The following FST variants were observed in gnomAD, a reference collection of about 807,000 sequenced individuals.
The protein encoded by FST is activin-binding protein.
Under a neutral mutation model 38.4 loss-of-function variants are expected in FST, and 6 were observed. The observed-to-expected ratio is 0.16, with a 90% confidence interval of 0.09 to 0.31. The LOEUF is 0.31. Among genes scored for constraint, FST ranks in the 10% least tolerant of loss-of-function variants. FST has a pLI of 1.00. For synonymous variants in FST, 157 were observed against 169.8 expected (o/e 0.92, Z 0.59); for missense variants, 301 against 432.3 (o/e 0.70, Z 2.69).
At position 53,486,014 on chromosome 5, in the gene FST, C is replaced by A; in HGVS notation, c.1016C>A (p.Ser339Tyr). 1 of 1,469,908 alleles carries A rather than the reference C, an allele frequency of 6.8e-7. No homozygotes were observed. Among genetic ancestry groups the A allele is most frequent in the Non-Finnish European group, 9.1e-7 (1 of 1,093,558 alleles). 91.1% of individuals were successfully genotyped at this position (1,469,908 alleles called of 1,614,324 possible). The change falls in exon 6 of 6, where the codon TCT (serine) becomes TAT (tyrosine). Residue 339 changes from serine (S) to tyrosine (Y), a missense_variant. Physicochemically the swap from Ser to Tyr is moderately radical, Grantham distance 144. Coordinates refer to ENST00000256759, the MANE Select transcript of FST (RefSeq NM_013409.3). The part of the protein sequence containing the change: ...DEDQDYSFPI[S>Y]SILEW ...GACCAGGACTACAGCTTTCCTATATCTTCTATTCTAGAGTGGTAAACTCTC... is the reference window on the plus strand; with the variant it reads ...GACCAGGACTACAGCTTTCCTATATATTCTATTCTAGAGTGGTAAACTCTC...
chr5:53,482,298 C>G lies in FST; in HGVS notation c.86-582C>G, dbSNP rs543866134. On this transcript the variant is annotated intron_variant, in intron 1 of 5. Coordinates refer to ENST00000256759, the MANE Select transcript of FST (RefSeq NM_013409.3). ...TTCTTTCTTTCTCTTTCTTTTCTTT[C>G]TTTCTCTTCTTTCTTTTCTTTCTTT... Among the ~76,000 whole-genome samples the G allele has an allele frequency of 2.1e-4, 31 of 147,074 alleles. No homozygotes were observed. In the East Asian group the frequency reaches 5.3e-3, roughly 25 times the overall value.
chr5:53,482,420 T>C (rs1747287196), intron 1 of FST, among the ~76,000 whole-genome samples: 2 of 151,748 alleles, frequency 1.3e-5, no homozygotes, highest in African/African-American at 4.8e-5. Context: ...ATAATTCCTG[T>C]ACCCGCCTAC....
Position 53,480,700 on chromosome 5 carries a change from G to GGCCTCTGCGACGCGCGCCGCTC in FST, c.-88_-67dup, listed in dbSNP as rs1747140674. The GGCCTCTGCGACGCGCGCCGCTC allele has an allele frequency of 4.7e-6, 1 of 214,828 alleles. No homozygotes were observed. Among genetic ancestry groups the GGCCTCTGCGACGCGCGCCGCTC allele is most frequent in the Non-Finnish European group, 8.0e-6 (1 of 124,582 alleles). The allele number at this position is 214,828 out of a possible 1,614,324, so 13.3% of individuals were successfully genotyped here. A position where few individuals can be genotyped will look rare whatever the true frequency, so the allele number is the denominator to read the frequency against. On this transcript the variant is annotated 5_prime_UTR_variant, in exon 1 of 6. Coordinates refer to ENST00000256759, the MANE Select transcript of FST (RefSeq NM_013409.3). ...CGGGATCGCTGCGCCCTCCGCCGCT[G>GGCCTCTGCGACGCGCGCCGCTC]GCCTCTGCGACGCGCGCCGCTCGCC...
rs1392703566 is a variant in FST at position 53,480,880 on chromosome 5, A to G, written c.85+4A>G. 6.6e-6 allele frequency: 10 copies of G among 1,504,452 alleles called. No homozygotes were observed. The South Asian group carries it at 1.1e-4, about 17-fold the overall frequency. 93.2% of individuals were successfully genotyped at this position (1,504,452 alleles called of 1,614,324 possible). A position where few individuals can be genotyped will look rare whatever the true frequency, so the allele number is the denominator to read the frequency against. On this transcript the variant is annotated splice_donor_region_variant and intron_variant, in intron 1 of 5. Transcript: ENST00000256759. ...ATGGAGGACCGCAGTGCCCAGGGTA[A>G]GCGAGTGGGGATGCGCTGGGGAGGC...
intron 1 of FST, among the ~76,000 whole-genome samples, chr5:53,482,110 G>C (rs1369262175): frequency 1.3e-5 from 2 of 152,204 alleles, no homozygotes; most frequent in Admixed American, 6.5e-5. Context: ...ATTGCAAAAC[G>C]GGCCCGTCGG....
intron 1 of FST, among the ~76,000 whole-genome samples, chr5:53,482,018 G>T (rs1747246486): frequency 6.6e-6 from 1 of 152,260 alleles, no homozygotes; most frequent in Admixed American, 6.5e-5. Context: ...TCTGCCTGGT[G>T]CCCGGACGTG....
At position 53,482,901 on chromosome 5, in the gene FST, A is replaced by T; in HGVS notation, c.107A>T (p.Gln36Leu). The T allele has an allele frequency of 6.2e-7, 1 of 1,609,028 alleles. No individual in the cohort carries two copies. The highest frequency in any genetic ancestry group is 8.5e-7 in the Non-Finnish European group (1 of 1,176,884). Residue 36 changes from glutamine (Q) to leucine (L), a missense_variant, in exon 2 of 6, where the codon CAA (glutamine) becomes CTA (leucine). Gln to Leu is a moderately radical substitution (Grantham distance 113). Transcript: ENST00000256759. Reference sequence around the variant, plus strand: ...ACAGCTGGGAACTGCTGGCTCCGTCAAGCGAAGAACGGCCGCTGCCAGGTC... The same window carrying T: ...ACAGCTGGGAACTGCTGGCTCCGTCTAGCGAAGAACGGCCGCTGCCAGGTC... The part of the protein sequence containing the change: ...SAQAGNCWLR[Q>L]AKNGRCQVLY...
chr5:53,484,949 G>C, intron 4 of FST, 48 bp from the exon 5 acceptor site: 1 of 884,040 alleles, frequency 1.1e-6, no homozygotes, highest in Non-Finnish European at 1.9e-6. Flanking sequence ...GGAGAAAAGG[G>C]GGATATGGGG....
chr5:53,483,507 C>T lies in FST; in HGVS notation c.281C>T (p.Thr94Met). 1 of 1,611,402 alleles carries T rather than the reference C, an allele frequency of 6.2e-7. No homozygotes were observed. The highest frequency in any genetic ancestry group is 8.5e-7 in the Non-Finnish European group (1 of 1,177,566). The stretch of plus-strand genomic sequence containing the variant: ...CATGCCTGTTTCTAACTCACAGAAA[C>T]GTGTGAGAACGTGGACTGTGGACCT... ...GAPNCIPCKE[T>M]CENVDCGPGK... is the part of the protein sequence containing the mutation. The change falls in exon 3 of 6, where the codon ACG becomes ATG. Residue 94 changes from threonine (T) to methionine (M), a missense_variant. By Grantham distance (81) the Thr-to-Met change is moderately conservative. Coordinates refer to ENST00000256759, the MANE Select transcript of FST (RefSeq NM_013409.3). The surrounding 1 kb of genome is among the most constrained non-coding windows in gnomAD (Gnocchi z 4.1).
At position 53,483,063 on chromosome 5, in the gene FST, C is replaced by G. The variant is rs1747338527; in HGVS notation, c.269C>G (p.Pro90Arg). The G allele has an allele frequency of 2.5e-6, 4 of 1,610,976 alleles. No homozygotes were observed. The highest frequency in any genetic ancestry group is 2.5e-6 in the Non-Finnish European group (3 of 1,177,614). ...AACGGGGGCGCCCCCAACTGCATCC[C>G]CTGTAAAGGTAGGACTCCTTCTTCC... ...IFNGGAPNCI[P>R]CKETCENVDC... Residue 90 changes from proline (P) to arginine (R), a missense_variant, in exon 2 of 6, where the codon CCC (proline) becomes CGC (arginine). Pro to Arg is a moderately radical substitution (Grantham distance 103). Coordinates refer to ENST00000256759, the MANE Select transcript of FST (RefSeq NM_013409.3). This position sits in a 1 kb window ranked among gnomAD's most constrained non-coding sequence, Gnocchi z 4.1.
chr5:53,480,865 G>T lies in FST; in HGVS notation c.74G>T (p.Arg25Leu), dbSNP rs1462935796. The T allele has an allele frequency of 6.6e-7, 1 of 1,524,082 alleles. No homozygotes were observed. Among genetic ancestry groups the T allele is most frequent in the Non-Finnish European group, 8.9e-7 (1 of 1,129,744 alleles). The allele number at this position is 1,524,082 out of a possible 1,614,324, so 94.4% of individuals were successfully genotyped here. The change falls in exon 1 of 6, where the codon CGC becomes CTC. Residue 25 changes from arginine (R) to leucine (L), a missense_variant. By Grantham distance (102) the Arg-to-Leu change is moderately radical (BLOSUM62 -2). Transcript: ENST00000256759. ...CTGCTCTGCCAGTTCATGGAGGACC[G>T]CAGTGCCCAGGGTAAGCGAGTGGGG... is the stretch of plus-strand genomic sequence containing the variant. Reference protein sequence around the residue: ...LLLLCQFMEDRSAQAGNCWLR... With the variant: ...LLLLCQFMEDLSAQAGNCWLR...
intron 1 of FST, among the ~76,000 whole-genome samples, chr5:53,481,533 C>T (rs1747217770): frequency 7.2e-6 from 1 of 138,998 alleles, no homozygotes; most frequent in South Asian, 2.4e-4. Context: ...CAGTTTTTTT[C>T]CCCTCTGCCT....
intron 1 of FST, among the ~76,000 whole-genome samples, chr5:53,481,476 A>AAAAAAAAAAAAAAAAAAAAAAAC (rs1747205589): frequency 6.7e-6 from 1 of 150,052 alleles, no homozygotes; most frequent in Non-Finnish European, 1.5e-5. Context: ...AAAAAAAAAA[A>AAAAAAAAAAAAAAAAAAAAAAAC]AAAAAAAAAA....
chr5:53,482,716 T>C, intron 1 of FST, 164 bp from the exon 2 acceptor site: 2 of 567,690 alleles, frequency 3.5e-6, no homozygotes, highest in Non-Finnish European at 6.4e-6. Context: ...TCCACCCCTT[T>C]CGATTTATTT....
intron 5 of FST, chr5:53,485,609 G>T: frequency 1.2e-6 from 1 of 869,026 alleles, no homozygotes; most frequent in Admixed American, 2.0e-5. Context: ...GCTTTTTGCA[G>T]TTGCCTCTAC....
chr5:53,481,973 C>T (rs1747242353), intron 1 of FST, among the ~76,000 whole-genome samples: 2 of 152,248 alleles, frequency 1.3e-5, no homozygotes, highest in African/African-American at 4.8e-5. Flanking sequence ...GTCTGCATGG[C>T]ACTGCGCTGG....
At chr5:53,482,689 CCTT>C (rs1747309829) in intron 1 of FST, 188 bp from the exon 2 acceptor site, 2 of 523,244 alleles carry the variant, frequency 3.8e-6, no homozygotes, top group Non-Finnish European at 6.8e-6. Context: ...CCCTCCACTG[CCTT>C]CTTTTTCCAC....
At chr5:53,485,480 G>A (rs1242295448) in intron 5 of FST, among the ~76,000 whole-genome samples, 1 of 151,212 alleles carries the variant, frequency 6.6e-6, no homozygotes, top group Non-Finnish European at 1.5e-5. Context: ...CCTATTTCTT[G>A]TGTTTTGGTA....
rs150843785 is a variant in FST at position 53,484,883 on chromosome 5, TTA to T, written c.722-112_722-111del. The T allele has an allele frequency of 1.4e-3, 864 of 618,622 alleles. 6 individuals carry two copies. The African/African-American group carries it at 0.015, about 11-fold the overall frequency. 38.3% of individuals were successfully genotyped at this position (618,622 alleles called of 1,614,324 possible). ...CCCCATTAGTAATAGGCTATTACTA[TTA>T]TGTTTATATAAAATAAATTATGTTT... is the stretch of plus-strand genomic sequence containing the variant. On this transcript the variant is annotated intron_variant, in intron 4 of 5. Coordinates refer to ENST00000256759, the MANE Select transcript of FST (RefSeq NM_013409.3).
Sources: allele counts gnomAD v4.1 joint callset (sites outside exome capture counted in the v4.1 genomes callset), GRCh38; gene constraint gnomAD v4.1.1; non-coding constraint Gnocchi (gnomAD v3.1); transcripts MANE v1.5; gene names NCBI Gene and HGNC (gene_info 2026-07-23, HGNC 2026-07-21).